The following NRXN1 variants were observed in gnomAD, a reference collection of about 807,000 sequenced individuals.
The protein encoded by NRXN1 is neurexin 1, also known as neurexin-1.
A neutral mutation model predicts 150.9 loss-of-function variants in NRXN1; 39 were observed. That is an observed-to-expected ratio of 0.26 (90% confidence interval 0.20 to 0.34). The LOEUF (loss-of-function observed/expected upper bound fraction) is 0.34, where lower values mean the gene tolerates loss of function less well. NRXN1 is among the 10% of genes least tolerant of loss of function. The pLI is 1.00. For synonymous variants in NRXN1, 924 were observed against 757.0 expected, an observed-to-expected ratio of 1.22 and a Z score of -3.62; for missense variants, 1,815 against 1,949.9, an observed-to-expected ratio of 0.93 and a Z score of 1.30.
intron 9 of NRXN1, among the ~76,000 whole-genome samples, chr2:50,545,070 T>A (rs2105301046): frequency 6.6e-6 from 1 of 152,260 alleles, no homozygotes; most frequent in African/African-American, 2.4e-5. Flanking sequence ...GAACTGGGAA[T>A]TTTTCAACGC....
chr2:49,967,692 G>C (rs1677200836), intron 21 of NRXN1, among the ~76,000 whole-genome samples: 1 of 152,034 alleles, frequency 6.6e-6, no homozygotes, highest in African/African-American at 2.4e-5. Context: ...AAATAGGCTG[G>C]AGTCAGTATT....
intron 18 of NRXN1, among the ~76,000 whole-genome samples, chr2:50,167,747 T>C (rs1052699233): frequency 6.6e-6 from 1 of 152,210 alleles, no homozygotes; most frequent in Non-Finnish European, 1.5e-5. Context: ...GATGCCTAGT[T>C]TCTATGCCTT....
chr2:50,767,842 A>G (rs1210661659), intron 5 of NRXN1, among the ~76,000 whole-genome samples: 8 of 152,082 alleles, frequency 5.3e-5, no homozygotes, highest in Non-Finnish European at 1.2e-4. Context: ...TTTAATATTT[A>G]AGTAATCCTA....
intron 18 of NRXN1, among the ~76,000 whole-genome samples, chr2:50,225,464 C>T (rs1338188349): frequency 6.6e-6 from 1 of 151,746 alleles, no homozygotes; most frequent in African/African-American, 2.4e-5. Flanking sequence ...CATATAAAGA[C>T]ATAGTTATAA....
chr2:50,547,324 A>G (rs2093517046), intron 9 of NRXN1: 1 of 152,360 alleles, frequency 6.6e-6, no homozygotes, highest in South Asian at 2.1e-4. Context: ...TAAATAAAAT[A>G]AGACTGGCAG....
At chr2:49,924,243 G>A (rs1324284409) in intron 22 of NRXN1, among the ~76,000 whole-genome samples, 1 of 152,142 alleles carries the variant, frequency 6.6e-6, no homozygotes, top group African/African-American at 2.4e-5. Flanking sequence ...CTGATGGAAT[G>A]CTTTCATTTT....
chr2:50,696,918 A>C (rs1692977302), intron 5 of NRXN1, among the ~76,000 whole-genome samples: 1 of 152,158 alleles, frequency 6.6e-6, no homozygotes, highest in Admixed American at 6.6e-5. Flanking sequence ...CTGATACATA[A>C]ATTCTTTAAA....
At chr2:50,354,489 C>T (rs2078642246) in intron 17 of NRXN1, among the ~76,000 whole-genome samples, 1 of 147,414 alleles carries the variant, frequency 6.8e-6, no homozygotes, top group Admixed American at 6.9e-5. Context: ...ATTTAAAATA[C>T]AATAGTGCCT....
intron 2 of NRXN1, among the ~76,000 whole-genome samples, chr2:51,008,381 T>C (rs1667351532): frequency 6.6e-6 from 1 of 152,034 alleles, no homozygotes; most frequent in East Asian, 2.0e-4. Context: ...GCATGACGTG[T>C]AGAGACAAAT....
intron 17 of NRXN1, among the ~76,000 whole-genome samples, chr2:50,275,115 T>C (rs2070269864): frequency 6.6e-6 from 1 of 152,186 alleles, no homozygotes; most frequent in South Asian, 2.1e-4. Context: ...TCCTGTGTAA[T>C]TGGAAGTGAG....
At chr2:50,594,986 T>A (rs1674914944) in intron 8 of NRXN1, among the ~76,000 whole-genome samples, 1 of 150,996 alleles carries the variant, frequency 6.6e-6, no homozygotes. Context: ...GAATAAGAGT[T>A]GACCTCTCTT....
intron 5 of NRXN1, among the ~76,000 whole-genome samples, chr2:50,902,670 T>G (rs1045203998): frequency 6.6e-6 from 1 of 152,166 alleles, no homozygotes; most frequent in African/African-American, 2.4e-5. Flanking sequence ...ATGGTGTAGT[T>G]TGACCTTAGT....
rs1408783553 is a variant in NRXN1 at position 50,737,764 on chromosome 2, C to G, written c.833-114149G>C. Reference sequence around the variant, plus strand: ...CACAGCATTAACTATACAATGGGGTCACTCAATGAAAATCGTTTATGAATA... The same window carrying G: ...CACAGCATTAACTATACAATGGGGTGACTCAATGAAAATCGTTTATGAATA... On this transcript the variant is annotated intron_variant, in intron 5 of 22. Coordinates refer to ENST00000401669, the MANE Select transcript of NRXN1 (RefSeq NM_001330078.2). Among the ~76,000 whole-genome samples, 4 of 152,056 alleles carry G rather than the reference C, an allele frequency of 2.6e-5. No homozygotes were observed. The South Asian group carries it at 6.2e-4, about 24-fold the overall frequency.
intron 21 of NRXN1, among the ~76,000 whole-genome samples, chr2:49,978,315 T>A (rs1679360545): frequency 6.6e-6 from 1 of 152,178 alleles, no homozygotes; most frequent in Admixed American, 6.5e-5. Context: ...GAACAAATCC[T>A]ATCTTGGACC....
At chr2:50,191,171 G>A (rs1015023327) in intron 18 of NRXN1, among the ~76,000 whole-genome samples, 2 of 151,480 alleles carry the variant, frequency 1.3e-5, no homozygotes, top group Admixed American at 6.6e-5. Context: ...TGGGATTACA[G>A]GCACATGCCA....
intron 21 of NRXN1, among the ~76,000 whole-genome samples, chr2:49,992,340 C>A (rs561702826): frequency 5.3e-5 from 8 of 151,734 alleles, no homozygotes; most frequent in East Asian, 1.9e-4. Flanking sequence ...GAAATTGAGA[C>A]CATCCTGGAC....
intron 5 of NRXN1, among the ~76,000 whole-genome samples, chr2:50,825,023 A>T (rs2105848290): frequency 6.6e-6 from 1 of 152,332 alleles, no homozygotes; most frequent in African/African-American, 2.4e-5. Flanking sequence ...TCAAAAAATT[A>T]GTAAATCAAT....
intron 2 of NRXN1, among the ~76,000 whole-genome samples, chr2:50,951,790 AATATGTTTCCTC>A (rs1174074567): frequency 1.3e-5 from 2 of 151,582 alleles, no homozygotes; most frequent in Non-Finnish European, 1.5e-5. Flanking sequence ...ATTTTATAAA[AATATGTTTCCTC>A]ATATTTTTCC....
chr2:50,532,822 T>C (rs1338341192), intron 10 of NRXN1, among the ~76,000 whole-genome samples: 1 of 152,126 alleles, frequency 6.6e-6, no homozygotes, highest in Non-Finnish European at 1.5e-5. Context: ...GACTCCTTAA[T>C]GTTAAGCACC....
Sources: gnomAD v4.1 joint callset for allele counts (sites outside exome capture counted in the v4.1 genomes callset) on GRCh38, gnomAD v4.1.1 for gene constraint, MANE v1.5 for transcripts, NCBI Gene and HGNC (gene_info 2026-07-23, HGNC 2026-07-21) for gene names.